RPN1: variants seen among roughly 807,000 people sequenced by gnomAD.
RPN1 encodes the protein ribophorin I.
A neutral mutation model predicts 55.5 loss-of-function variants in RPN1; 12 were observed. The ratio of observed to expected loss-of-function variants is 0.22; its 90% confidence interval spans 0.14 to 0.35. RPN1 has a LOEUF of 0.35. RPN1 is among the 10% of genes least tolerant of loss of function. RPN1 has a pLI of 1.00. For missense variants in RPN1, 679 were observed against 761.3 expected (o/e 0.89, Z 1.27); for synonymous variants, 317 against 305.9 (o/e 1.04, Z -0.38).
At chr3:128,641,683 C>T (rs2069726724) in intron 2 of RPN1, among the ~76,000 whole-genome samples, 2 of 148,090 alleles carry the variant, frequency 1.4e-5, no homozygotes, top group South Asian at 2.1e-4. Context: ...AATCTCGGCT[C>T]ACCGGAACCT....
intron 3 of RPN1, among the ~76,000 whole-genome samples, chr3:128,635,550 C>G (rs915372802): frequency 2.0e-5 from 3 of 150,626 alleles, no homozygotes; most frequent in Non-Finnish European, 4.4e-5. Context: ...ATCTGCCCGC[C>G]TCAGCCTCCC....
At chr3:128,621,022 C>T (rs1208049991) in intron 9 of RPN1, among the ~76,000 whole-genome samples, 1 of 152,272 alleles carries the variant, frequency 6.6e-6, no homozygotes, top group African/African-American at 2.4e-5. Flanking sequence ...GGGTGACAGG[C>T]ATTGTCACCT....
At chr3:128,625,756 G>A in intron 7 of RPN1, 103 bp from the exon 8 acceptor site, 1 of 1,578,290 alleles carries the variant, frequency 6.3e-7, no homozygotes, top group Non-Finnish European at 8.7e-7. Flanking sequence ...CCCAAGACCA[G>A]AAGACGCCAT....
intron 8 of RPN1, among the ~76,000 whole-genome samples, chr3:128,624,362 C>T (rs906301440): frequency 1.3e-5 from 2 of 152,084 alleles, no homozygotes; most frequent in African/African-American, 2.4e-5. Context: ...TACCTGTAGT[C>T]CCAGCTATTC....
intron 3 of RPN1, among the ~76,000 whole-genome samples, chr3:128,635,458 AC>A (rs2069669991): frequency 6.6e-6 from 1 of 151,376 alleles, no homozygotes; most frequent in Non-Finnish European, 1.5e-5. Flanking sequence ...GTGCAACTAC[AC>A]CCAGCTAATT....
intron 4 of RPN1, among the ~76,000 whole-genome samples, chr3:128,631,557 C>A (rs2069642349): frequency 6.6e-6 from 1 of 150,990 alleles, no homozygotes; most frequent in Admixed American, 6.6e-5. Context: ...GCCTGGCCAA[C>A]ATGGTGAAAT....
intron 8 of RPN1, among the ~76,000 whole-genome samples, chr3:128,625,010 AG>A (rs2069588654): frequency 6.6e-6 from 1 of 152,152 alleles, no homozygotes. Flanking sequence ...TGAGAAATGG[AG>A]GAAGGAAGGA....
Position 128,622,419 on chromosome 3 carries a change from G to C in RPN1, c.1396-10C>G. On this transcript the variant is annotated splice_polypyrimidine_tract_variant and intron_variant, in intron 8 of 9. Coordinates refer to ENST00000296255, the MANE Select transcript of RPN1 (RefSeq NM_002950.4). Reference sequence around the variant, plus strand: ...CTTCTGCGGCTGGATCCTGAAGGAAGGAGAGGCACCATGTGTGACAACATC... The same window carrying C: ...CTTCTGCGGCTGGATCCTGAAGGAACGAGAGGCACCATGTGTGACAACATC... The C allele has an allele frequency of 6.2e-7, 1 of 1,613,902 alleles. No individual in the cohort carries two copies. Among genetic ancestry groups the C allele is most frequent in the Non-Finnish European group, 8.5e-7 (1 of 1,179,922 alleles).
chr3:128,626,930 G>C (rs1355646349), intron 5 of RPN1, 98 bp from the exon 6 acceptor site: 85 of 1,155,366 alleles, frequency 7.4e-5, no homozygotes, highest in Non-Finnish European at 1.1e-4. Flanking sequence ...AGAGCAAGTA[G>C]ACAGCAAAAC....
intron 5 of RPN1, among the ~76,000 whole-genome samples, chr3:128,628,119 T>C (rs995489512): frequency 6.6e-6 from 1 of 151,456 alleles, no homozygotes; most frequent in African/African-American, 2.4e-5. Context: ...TAGCTGGGCG[T>C]AGTGGTGCAT....
At chr3:128,645,270 G>A (rs1442408221) in intron 1 of RPN1, among the ~76,000 whole-genome samples, 3 of 151,888 alleles carry the variant, frequency 2.0e-5, no homozygotes, top group Non-Finnish European at 2.9e-5. Flanking sequence ...TCAGGAGTTC[G>A]AGACCAGCCT....
chr3:128,631,258 G>C (rs1037146103), intron 4 of RPN1, among the ~76,000 whole-genome samples: 3 of 152,092 alleles, frequency 2.0e-5, no homozygotes, highest in Non-Finnish European at 2.9e-5. Flanking sequence ...CGGATCACCT[G>C]AAGTCAGGAG....
chr3:128,629,117 G>C (rs1359609710), intron 5 of RPN1, among the ~76,000 whole-genome samples: 1 of 151,680 alleles, frequency 6.6e-6, no homozygotes, highest in Non-Finnish European at 1.5e-5. Flanking sequence ...GAAGGAAGAG[G>C]TACATGGAAC....
Position 128,625,905 on chromosome 3 carries a change from T to C in RPN1, c.1244A>G (p.Asn415Ser). 1 of 1,613,558 alleles carries C rather than the reference T, an allele frequency of 6.2e-7. No individual in the cohort carries two copies. ...GRPVIVAYKK[N>S]LVEQHIQDIV... ...GTCCTGAATGTGCTGTTCTACCAGA[T>C]TTTTCTTGTAGGCAACAATCACAGG... is the stretch of plus-strand genomic sequence containing the variant. Residue 415 changes from asparagine (N) to serine (S), a missense_variant, in exon 7 of 10, where the codon AAT becomes AGT. Asn to Ser is a conservative substitution (Grantham distance 46). Transcript: ENST00000296255.
intron 1 of RPN1, 142 bp from the exon 2 acceptor site, chr3:128,645,125 A>T (rs916823653): frequency 4.8e-6 from 3 of 621,478 alleles, no homozygotes; most frequent in African/African-American, 3.7e-5. Flanking sequence ...TCTTTTCAGT[A>T]ACAATTTTTT....
intron 3 of RPN1, among the ~76,000 whole-genome samples, chr3:128,636,485 CAA>C (rs10575402): frequency 0.64 from 95,821 of 148,888 alleles, 30,720 homozygotes; most frequent in East Asian, 0.77. Context: ...AAAATAAAGA[CAA>C]AAAAAAAAAA....
chr3:128,629,914 G>T, intron 5 of RPN1, 37 bp downstream of exon 5: 1 of 1,196,348 alleles, frequency 8.4e-7, no homozygotes, highest in Non-Finnish European at 1.2e-6. Context: ...CGAAATTAAA[G>T]AAAAGGTTAG....
rs202211607 is a variant in RPN1, at chr3:128,620,389, C to T, written c.*22G>A. 121 of 1,600,294 alleles carry T rather than the reference C, an allele frequency of 7.6e-5. No individual in the cohort carries two copies. The East Asian group carries it at 2.6e-3, about 35-fold the overall frequency. ...CAGCAAAGTGCAGGCACCCTGGGCC[C>T]CCTGGAGGATGCGGGCAGGGGCTAC... On this transcript the variant is annotated 3_prime_UTR_variant, in exon 10 of 10. Coordinates refer to ENST00000296255, the MANE Select transcript of RPN1 (RefSeq NM_002950.4).
At chr3:128,626,158 A>C in intron 6 of RPN1, 146 bp from the exon 7 acceptor site, 1 of 791,380 alleles carries the variant, frequency 1.3e-6, no homozygotes. Flanking sequence ...GCTATGGAGA[A>C]CACCCACTCT....
Sources: allele counts gnomAD v4.1 joint callset (sites outside exome capture counted in the v4.1 genomes callset), GRCh38; gene constraint gnomAD v4.1.1; transcripts MANE v1.5; gene names NCBI Gene and HGNC (gene_info 2026-07-23, HGNC 2026-07-21).